Variants in SYCE1 observed in about 807,000 individuals in gnomAD.
SYCE1 encodes cancer/testis antigen 76.
A neutral mutation model predicts 55.1 loss-of-function variants in SYCE1; 37 were observed. The observed-to-expected ratio is 0.67, with a 90% confidence interval of 0.52 to 0.88. SYCE1 has a LOEUF of 0.88. Ranked by LOEUF, SYCE1 falls within the 40% of genes least tolerant of loss-of-function variation. The pLI is 0.00. For missense variants in SYCE1, 399 were observed against 416.4 expected (o/e 0.96, Z 0.36); for synonymous variants, 163 against 159.4 (o/e 1.02, Z -0.17).
In SYCE1 at chr10:133,557,718, G is replaced by A. The variant is rs190047470; in HGVS notation, c.374+146C>T. 1,146 of 846,916 alleles carry A rather than the reference G, an allele frequency of 1.4e-3. 7 individuals carry two copies. The African/African-American group carries it at 0.017, about 13-fold the overall frequency. The allele number at this position is 846,916 out of a possible 1,614,324, so 52.5% of individuals were successfully genotyped here. A position where few individuals can be genotyped will look rare whatever the true frequency, so the allele number is the denominator to read the frequency against. ...CTTAACACTACTGCCAGCTGTTGGAGCCGAAGGGGAAAGACATTCTTTGGA... is the reference window on the plus strand; with the variant it reads ...CTTAACACTACTGCCAGCTGTTGGAACCGAAGGGGAAAGACATTCTTTGGA... On this transcript the variant is annotated intron_variant, in intron 6 of 12. Coordinates refer to ENST00000343131, the MANE Select transcript of SYCE1 (RefSeq NM_001143764.3).
intron 2 of SYCE1, 181 bp downstream of exon 2, chr10:133,559,909 CT>C (rs1370162635): frequency 4.8e-6 from 3 of 622,116 alleles, no homozygotes; most frequent in African/African-American, 3.7e-5. Context: ...CTTCTATACC[CT>C]TTTGCTTCTT....
rs1851736180 is a variant in SYCE1 at position 133,558,231 on chromosome 10, C to T, written c.272-17G>A. 6.8e-6 allele frequency: 11 copies of T among 1,614,114 alleles called. 1 individual carries two copies. The highest frequency in any genetic ancestry group is 9.3e-6 in the Non-Finnish European group (11 of 1,179,948). On this transcript the variant is annotated splice_polypyrimidine_tract_variant and intron_variant, in intron 4 of 12. Coordinates refer to ENST00000343131, the MANE Select transcript of SYCE1 (RefSeq NM_001143764.3). The stretch of plus-strand genomic sequence containing the variant: ...CTCCATGCACTAGAAAACAGTGACA[C>T]ATTTTGGCATCAGGGACTATGCACT...
chr10:133,566,659 G>T (rs12766748), upstream of SYCE1, among the ~76,000 whole-genome samples: 1 of 149,154 alleles, frequency 6.7e-6, no homozygotes, highest in Non-Finnish European at 1.5e-5. Flanking sequence ...TCAGGGGTGG[G>T]GGTTAGGGTT....
At chr10:133,567,723 G>C (rs1262784760), upstream of SYCE1, 2 of 238,700 alleles carry the variant, frequency 8.4e-6, no homozygotes, top group Non-Finnish European at 1.7e-5. Flanking sequence ...GGGGAGCTGG[G>C]GTGGCTTGGG....
intron 2 of SYCE1, chr10:133,559,811 C>T (rs925175268): frequency 6.4e-6 from 3 of 466,464 alleles, no homozygotes; most frequent in Middle Eastern, 6.0e-4. Context: ...GAAGTGAAGG[C>T]GGCAACTTCT....
intron 8 of SYCE1, 105 bp from the exon 9 acceptor site, chr10:133,556,152 C>A: frequency 7.5e-7 from 1 of 1,336,786 alleles, no homozygotes; most frequent in Non-Finnish European, 1.0e-6. Flanking sequence ...GCCTCACTTC[C>A]AACAACTCTG....
upstream of SYCE1, among the ~76,000 whole-genome samples, chr10:133,566,186 T>TGGGAGGA (rs1244290718): frequency 3.3e-5 from 5 of 152,102 alleles, no homozygotes; most frequent in Non-Finnish European, 7.4e-5. Flanking sequence ...CGGAGGGCCC[T>TGGGAGGA]GGGAGGAGGG....
At chr10:133,563,944 T>C (rs10857762) in intron 1 of SYCE1, among the ~76,000 whole-genome samples, 20,315 of 151,904 alleles carry the variant, frequency 0.13, 1,338 homozygotes, top group East Asian at 0.25. Flanking sequence ...ACTAATAGAC[T>C]TTTTACTAAA....
Position 133,565,552 on chromosome 10 carries a change from G to A in SYCE1, c.-23C>T, listed in dbSNP as rs773369839. ...CATTTCCTCTCAGCTCGCCAGCGAG[G>A]GTGCCTCGGGAGGGAGCCTCCAGTG... On this transcript the variant is annotated 5_prime_UTR_variant, in exon 1 of 13. Coordinates refer to ENST00000343131, the MANE Select transcript of SYCE1 (RefSeq NM_001143764.3). 7.1e-6 allele frequency: 11 copies of A among 1,547,836 alleles called. No individual in the cohort carries two copies. The East Asian group carries it at 2.4e-4, about 34-fold the overall frequency.
downstream of SYCE1, chr10:133,554,159 AGTTT>A (rs377185804): frequency 2.2e-5 from 16 of 724,062 alleles, no homozygotes; most frequent in Admixed American, 1.4e-4. Context: ...GTATATTGCC[AGTTT>A]GTTTAAGACA....
intron 11 of SYCE1, 67 bp from the exon 12 acceptor site, chr10:133,555,505 T>C: frequency 1.9e-6 from 3 of 1,610,686 alleles, no homozygotes; most frequent in Non-Finnish European, 1.7e-6. Context: ...CAAGAGGTTT[T>C]CAAGAGTCAG....
At chr10:133,557,699 A>C (rs1411809702) in intron 6 of SYCE1, 165 bp downstream of exon 6, 43 of 696,994 alleles carry the variant, frequency 6.2e-5, no homozygotes, top group Non-Finnish European at 8.8e-5. Flanking sequence ...TTCCCTTAAC[A>C]CTACTGCCAG....
intron 4 of SYCE1, 157 bp downstream of exon 4, chr10:133,558,719 TC>T: frequency 5.5e-6 from 4 of 723,282 alleles, no homozygotes; most frequent in Non-Finnish European, 9.2e-6. Context: ...TCCTGAACAC[TC>T]CCACAAGCAG....
intron 1 of SYCE1, among the ~76,000 whole-genome samples, chr10:133,562,289 G>GTA (rs1408388823): frequency 2.7e-5 from 4 of 150,690 alleles, no homozygotes; most frequent in African/African-American, 7.3e-5. Flanking sequence ...GTGTGTGTGT[G>GTA]TGTGTGTGTG....
At chr10:133,568,233 G>C (rs1488432977), upstream of SYCE1, 1 of 1,368,712 alleles carries the variant, frequency 7.3e-7, no homozygotes, top group South Asian at 1.2e-5. Flanking sequence ...CGGGAACCCA[G>C]TCCTCCTCGT....
At chr10:133,564,054 G>T (rs1851872504) in intron 1 of SYCE1, among the ~76,000 whole-genome samples, 1 of 149,008 alleles carries the variant, frequency 6.7e-6, no homozygotes, top group Non-Finnish European at 1.5e-5. Context: ...TTCTGTAGCT[G>T]GTCACTATAG....
At chr10:133,555,943 G>A (rs768175350) in intron 9 of SYCE1, 38 bp downstream of exon 9, 2 of 1,613,804 alleles carry the variant, frequency 1.2e-6, no homozygotes, top group East Asian at 4.5e-5. Context: ...GAAGGCACGT[G>A]AGGTCAGATA....
intron 1 of SYCE1, 62 bp from the exon 2 acceptor site, chr10:133,560,215 G>C: frequency 1.3e-6 from 2 of 1,493,890 alleles, no homozygotes; most frequent in Non-Finnish European, 1.9e-6. Flanking sequence ...CCTGGGCTGA[G>C]ACTGAGGCAG....
At chr10:133,568,196 T>C, upstream of SYCE1, 1 of 1,087,304 alleles carries the variant, frequency 9.2e-7, no homozygotes, top group Non-Finnish European at 1.4e-6. Flanking sequence ...ACAGTAGCTG[T>C]AGATGCCGAG....
Sources: allele counts gnomAD v4.1 joint callset (sites outside exome capture counted in the v4.1 genomes callset), GRCh38; gene constraint gnomAD v4.1.1; transcripts MANE v1.5; gene names NCBI Gene and HGNC (gene_info 2026-07-23, HGNC 2026-07-21).